PCDH11X: variants seen among roughly 807,000 people sequenced by gnomAD.
PCDH11X encodes protocadherin-11 X-linked.
A neutral mutation model predicts 53.3 loss-of-function variants in PCDH11X; 18 were observed. The ratio of observed to expected loss-of-function variants is 0.34; its 90% CI spans 0.23 to 0.50. The LOEUF (loss-of-function observed/expected upper bound fraction) is 0.50, where lower values mean the gene tolerates loss of function less well. Among genes scored for constraint, PCDH11X ranks in the 20% least tolerant of loss-of-function variants. The pLI is 0.98. For synonymous variants in PCDH11X, 279 were observed against 393.3 expected (o/e 0.71, Z 3.44); for missense variants, 570 against 1,032.4 (o/e 0.55, Z 6.14).
intron 5 of PCDH11X, among the ~76,000 whole-genome samples, chrX:91,838,122 G>A (rs1367071004): frequency 9.0e-6 from 1 of 111,706 alleles, no homozygotes; most frequent in African/African-American, 3.3e-5. Context: ...GAATAATTTT[G>A]TCGTGTCTCC....
At chrX:92,313,904 G>T (rs1343126873) in intron 8 of PCDH11X, among the ~76,000 whole-genome samples, 3 of 111,471 alleles carry the variant, frequency 2.7e-5, no homozygotes, top group Non-Finnish European at 3.8e-5. Flanking sequence ...GAATGAGCTT[G>T]CAGGCCTGGA....
At chrX:92,136,780 G>A (rs924834869) in intron 6 of PCDH11X, among the ~76,000 whole-genome samples, 4 of 110,223 alleles carry the variant, frequency 3.6e-5, no homozygotes, top group Non-Finnish European at 7.6e-5. Context: ...GAAACCCTTT[G>A]GTAGGTGCTG....
chrX:92,474,745 C>G (rs1480926307), intron 10 of PCDH11X, among the ~76,000 whole-genome samples: 3 of 100,518 alleles, frequency 3.0e-5, no homozygotes, highest in Non-Finnish European at 5.9e-5. Context: ...CATAAACACT[C>G]TACATTTTAT....
intron 10 of PCDH11X, among the ~76,000 whole-genome samples, chrX:92,551,071 T>C (rs1359452462): frequency 9.0e-6 from 1 of 111,186 alleles, no homozygotes; most frequent in Non-Finnish European, 1.9e-5. Flanking sequence ...CTCTTTGATA[T>C]ACTGATTTCC....
At chrX:91,862,316 G>C (rs759048609) in intron 5 of PCDH11X, among the ~76,000 whole-genome samples, 121 of 103,499 alleles carry the variant, frequency 1.2e-3, no homozygotes, top group African/African-American at 4.1e-3. Flanking sequence ...TTTCTTCCTG[G>C]TGAAATCTTG....
intron 5 of PCDH11X, among the ~76,000 whole-genome samples, chrX:91,875,594 G>T (rs1256205218): frequency 9.1e-6 from 1 of 110,484 alleles, no homozygotes; most frequent in Non-Finnish European, 1.9e-5. Context: ...CCCGGCCGAG[G>T]GGATTGTTTT....
At chrX:92,408,925 T>G (rs1199717355) in intron 9 of PCDH11X, among the ~76,000 whole-genome samples, 1 of 104,729 alleles carries the variant, frequency 9.5e-6, no homozygotes, top group East Asian at 3.0e-4. Flanking sequence ...ATATAGAATT[T>G]ATCTATATAA....
chrX:92,537,500 G>A (rs1280168444), intron 10 of PCDH11X, among the ~76,000 whole-genome samples: 11 of 110,270 alleles, frequency 1.0e-4, no homozygotes, highest in African/African-American at 3.3e-4. Context: ...CACAGAAAGA[G>A]AAAAACAATC....
chrX:92,508,273 G>T (rs1473206772), intron 10 of PCDH11X, among the ~76,000 whole-genome samples: 1 of 109,731 alleles, frequency 9.1e-6, no homozygotes, highest in Non-Finnish European at 1.9e-5. Flanking sequence ...GCCCAGACTG[G>T]AAGGCAGTGG....
intron 10 of PCDH11X, among the ~76,000 whole-genome samples, chrX:92,492,258 A>G (rs2073779303): frequency 8.9e-6 from 1 of 112,041 alleles, no homozygotes; most frequent in African/African-American, 3.2e-5. Context: ...AACTACTTAC[A>G]TTTCTACAAT....
chrX:92,387,788 T>G lies in PCDH11X; in HGVS notation c.3198T>G (p.Ser1066Arg). 8.3e-7 allele frequency: 1 copy of G among 1,211,797 alleles called. No individual in the cohort carries two copies. The change falls in exon 9 of 11, where the codon AGT becomes AGG. Residue 1066 changes from serine (S) to arginine (R), a missense_variant. Ser to Arg is a moderately radical substitution (Grantham distance 110). Transcript: ENST00000682573. ...CAGAAGGCTCTCAGGAAAGCAGCAGTGATGGTGGACTGGGAGACCATGATG... is the reference window on the plus strand; with the variant it reads ...CAGAAGGCTCTCAGGAAAGCAGCAGGGATGGTGGACTGGGAGACCATGATG... Reference protein sequence around the residue: ...HLPEGSQESSSDGGLGDHDAG... With the variant: ...HLPEGSQESSRDGGLGDHDAG...
intron 7 of PCDH11X, among the ~76,000 whole-genome samples, chrX:92,216,818 CACAAAGGGAAGCCCATCAGACTA>C (rs2066727294): frequency 9.8e-6 from 1 of 102,183 alleles, no homozygotes; most frequent in South Asian, 4.9e-4. Flanking sequence ...TCGGGTTACC[CACAAAGGGAAGCCCATCAGACTA>C]ACAGCGGATC....
At chrX:92,048,084 T>C (rs1202668537) in intron 6 of PCDH11X, among the ~76,000 whole-genome samples, 1 of 111,205 alleles carries the variant, frequency 9.0e-6, no homozygotes, top group Non-Finnish European at 1.9e-5. Context: ...TATACCATGT[T>C]TGTGGATGCC....
At chrX:92,462,008 T>A (rs1194942863) in intron 9 of PCDH11X, among the ~76,000 whole-genome samples, 2 of 112,531 alleles carry the variant, frequency 1.8e-5, no homozygotes, top group Non-Finnish European at 3.8e-5. Context: ...AGACTTTAAT[T>A]ACCTACTGTT....
At chrX:91,930,770 T>C (rs1305668857) in intron 6 of PCDH11X, among the ~76,000 whole-genome samples, 2 of 103,060 alleles carry the variant, frequency 1.9e-5, no homozygotes, top group African/African-American at 6.9e-5. Context: ...GAAGTACATT[T>C]GATGGCTTAA....
chrX:91,983,351 G>T (rs892227422), intron 6 of PCDH11X: 2 of 1,108,355 alleles, frequency 1.8e-6, no homozygotes, highest in Non-Finnish European at 2.5e-6. Flanking sequence ...CGTCACTTTG[G>T]TGGTCTCAGT....
intron 5 of PCDH11X, among the ~76,000 whole-genome samples, chrX:91,837,731 G>A (rs958883961): frequency 9.0e-6 from 1 of 110,737 alleles, no homozygotes; most frequent in Non-Finnish European, 1.9e-5. Flanking sequence ...AATAAATTGA[G>A]TAACAGAGTG....
At chrX:92,179,533 T>C (rs990551012) in intron 6 of PCDH11X, among the ~76,000 whole-genome samples, 12 of 111,981 alleles carry the variant, frequency 1.1e-4, no homozygotes, top group Non-Finnish European at 2.3e-4. Flanking sequence ...AACCATATGC[T>C]GGAATGATAC....
intron 8 of PCDH11X, among the ~76,000 whole-genome samples, chrX:92,306,953 G>A (rs991650159): frequency 8.2e-5 from 9 of 110,048 alleles, no homozygotes; most frequent in Non-Finnish European, 1.5e-4. Flanking sequence ...CCATTGGGAG[G>A]GGAAGGGGAA....
Sources: gnomAD v4.1 joint callset for allele counts (sites outside exome capture counted in the v4.1 genomes callset) on GRCh38, gnomAD v4.1.1 for gene constraint, MANE v1.5 for transcripts, NCBI Gene and HGNC (gene_info 2026-07-23, HGNC 2026-07-21) for gene names.